PDLIM3: variants seen among roughly 807,000 people sequenced by gnomAD.
PDLIM3 encodes PDZ and LIM domain protein 3.
In PDLIM3, 36 loss-of-function variants were observed where a neutral mutation model predicts 37.3. The observed-to-expected ratio is 0.97, with a 90% CI of 0.74 to 1.28. The LOEUF is 1.28. Ranked by LOEUF, PDLIM3 falls within the 50% of genes most tolerant of loss-of-function variation. PDLIM3 has a pLI of 0.00. For missense variants in PDLIM3, 454 were observed against 485.0 expected (o/e 0.94, Z 0.60); for synonymous variants, 174 against 182.4 (o/e 0.95, Z 0.37).
intron 4 of PDLIM3, chr4:185,512,563 G>A (rs1354547015): frequency 3.1e-6 from 2 of 643,322 alleles, no homozygotes; most frequent in Non-Finnish European, 3.9e-6. Flanking sequence ...TTTTTAAAAG[G>A]TGATTATATA....
intron 1 of PDLIM3, among the ~76,000 whole-genome samples, chr4:185,528,620 G>C (rs555176310): frequency 6.6e-6 from 1 of 152,338 alleles, no homozygotes; most frequent in East Asian, 1.9e-4. Context: ...CTGAGCAGCT[G>C]TACAGCTATG....
intron 4 of PDLIM3, chr4:185,512,368 A>T (rs1265019091): frequency 1.3e-5 from 2 of 152,244 alleles, no homozygotes; most frequent in African/African-American, 2.4e-5. Flanking sequence ...GGTGTGAGCC[A>T]TCGCACCAGG....
intron 3 of PDLIM3, chr4:185,516,474 A>G (rs1312861932): frequency 1.3e-5 from 2 of 152,230 alleles, no homozygotes; most frequent in Non-Finnish European, 2.9e-5. Flanking sequence ...GTCAAAAACA[A>G]AAAGAAGAAA....
chr4:185,528,975 A>G (rs2095739153), intron 1 of PDLIM3, among the ~76,000 whole-genome samples: 1 of 152,136 alleles, frequency 6.6e-6, no homozygotes, highest in African/African-American at 2.4e-5. Flanking sequence ...TAGCATGCAC[A>G]GTTTATTACT....
At position 185,504,326 on chromosome 4, in the gene PDLIM3, A is replaced by G; in HGVS notation, c.905+149T>C. The G allele has an allele frequency of 2.9e-6, 2 of 686,628 alleles. No individual in the cohort carries two copies. Among genetic ancestry groups the G allele is most frequent in the South Asian group, 3.1e-5 (2 of 63,974 alleles). 42.5% of individuals were successfully genotyped at this position (686,628 alleles called of 1,614,324 possible). ...GTATATCTAAGGAGTGACAGTCACA[A>G]TGTGCTAAATGTTGGGGACCTTACG... On this transcript the variant is annotated intron_variant, in intron 7 of 7. Transcript: ENST00000284767. The surrounding 1 kb of genome is among the most constrained non-coding windows in gnomAD (Gnocchi z 4.7).
At chr4:185,516,085 G>A (rs187493636) in intron 3 of PDLIM3, 74 of 150,596 alleles carry the variant, frequency 4.9e-4, no homozygotes, top group Admixed American at 4.3e-3. Context: ...ATTTTTAGTA[G>A]AGACAGGGTT....
chr4:185,504,601 G>C lies in PDLIM3; in HGVS notation c.794-15C>G, dbSNP rs757881954. 9.4e-6 allele frequency: 15 copies of C among 1,603,498 alleles called. No individual in the cohort carries two copies. Among genetic ancestry groups the C allele is most frequent in the Non-Finnish European group, 1.3e-5 (15 of 1,171,148 alleles). ...CGGACGGTCATCTGAAAAACAAAGC[G>C]TTTCCATTTATGGCTAGGGAACAGC... On this transcript the variant is annotated splice_polypyrimidine_tract_variant and intron_variant, in intron 6 of 7. Transcript: ENST00000284767. The surrounding 1 kb of genome is among the most constrained non-coding windows in gnomAD (Gnocchi z 4.7).
chr4:185,513,177 G>A lies in PDLIM3; in HGVS notation c.398+1093C>T, dbSNP rs571023888. On this transcript the variant is annotated intron_variant, in intron 4 of 7. Transcript: ENST00000284767. ...CAGACACTGAGCTCACGTTCTAGGG[G>A]GGGGAAGATGTGTTTGCTCATGGTT... 1.8e-5 allele frequency: 18 copies of A among 985,134 alleles called. No homozygotes were observed. In the Admixed American group the frequency reaches 3.1e-4, roughly 17 times the overall value. 61.0% of individuals were successfully genotyped at this position (985,134 alleles called of 1,614,324 possible).
Position 185,514,416 on chromosome 4 carries a change from T to C in PDLIM3, c.331-79A>G, listed in dbSNP as rs2095711518. On this transcript the variant is annotated intron_variant, in intron 3 of 7. Coordinates refer to ENST00000284767, the MANE Select transcript of PDLIM3 (RefSeq NM_014476.6). This position sits in a 1 kb window ranked among gnomAD's most constrained non-coding sequence, Gnocchi z 4.0. ...GATAAGATTAAACGAACGATAGTTG[T>C]ACAGGGAGGATCATTTACCACCAAC... The C allele has an allele frequency of 1.9e-6, 3 of 1,613,506 alleles. No homozygotes were observed. The highest frequency in any genetic ancestry group is 2.5e-6 in the Non-Finnish European group (3 of 1,179,808).
intron 1 of PDLIM3, among the ~76,000 whole-genome samples, chr4:185,533,308 T>C (rs1479888590): frequency 6.6e-6 from 1 of 152,226 alleles, no homozygotes; most frequent in African/African-American, 2.4e-5. Context: ...TATTTTTCTG[T>C]AATACTTTTC....
chr4:185,503,719 G>A (rs1005518612), intron 7 of PDLIM3, among the ~76,000 whole-genome samples: 1 of 152,134 alleles, frequency 6.6e-6, no homozygotes, highest in Non-Finnish European at 1.5e-5. Flanking sequence ...AGGCCGAGGC[G>A]GGTGGATCAC....
chr4:185,526,814 G>A (rs2095734998), intron 1 of PDLIM3, among the ~76,000 whole-genome samples: 1 of 152,108 alleles, frequency 6.6e-6, no homozygotes, highest in Admixed American at 6.6e-5. Context: ...TGCCTGAAAT[G>A]CTTCCCTTAC....
intron 1 of PDLIM3, 36 bp from the exon 2 acceptor site, chr4:185,525,207 T>TC: frequency 6.2e-7 from 1 of 1,608,334 alleles, no homozygotes; most frequent in Non-Finnish European, 8.5e-7. Context: ...AAAACCAACA[T>TC]CCCGCAGTAT....
At chr4:185,524,938 G>A in intron 2 of PDLIM3, 82 bp downstream of exon 2, 1 of 1,388,078 alleles carries the variant, frequency 7.2e-7, no homozygotes. Flanking sequence ...CCTCCTTGCT[G>A]GGAGGATGAA....
At chr4:185,532,332 C>A (rs563665092) in intron 1 of PDLIM3, among the ~76,000 whole-genome samples, 1 of 152,148 alleles carries the variant, frequency 6.6e-6, no homozygotes, top group South Asian at 2.1e-4. Flanking sequence ...TTTCTGCCTT[C>A]GGGGAATGTG....
chr4:185,514,741 G>A lies in PDLIM3; in HGVS notation c.331-404C>T, dbSNP rs770432608. 3.9e-6 allele frequency: 6 copies of A among 1,552,010 alleles called. No individual in the cohort carries two copies. Among genetic ancestry groups the A allele is most frequent in the South Asian group, 2.4e-5 (2 of 84,062 alleles). ...TAGGAATGAGACCCCGCAGCTGTCC[G>A]TGAAGCGCATCTTGTATATTGCTAG... On this transcript the variant is annotated intron_variant, in intron 3 of 7. Transcript: ENST00000284767. This position sits in a 1 kb window ranked among gnomAD's most constrained non-coding sequence, Gnocchi z 4.0.
intron 1 of PDLIM3, 98 bp downstream of exon 1, chr4:185,535,244 G>T: frequency 9.0e-7 from 1 of 1,115,896 alleles, no homozygotes; most frequent in Non-Finnish European, 1.3e-6. Context: ...GCCCTCGCGC[G>T]CTTTCTGGCC....
intron 3 of PDLIM3, among the ~76,000 whole-genome samples, chr4:185,518,377 TTA>T (rs2095717891): frequency 1.3e-5 from 2 of 152,214 alleles, no homozygotes; most frequent in South Asian, 4.1e-4. Flanking sequence ...CAGATAATCT[TTA>T]TAATTCTGAA....
chr4:185,533,665 C>T (rs1232248747), intron 1 of PDLIM3, among the ~76,000 whole-genome samples: 1 of 152,066 alleles, frequency 6.6e-6, no homozygotes, highest in Non-Finnish European at 1.5e-5. Flanking sequence ...ATAATAACTG[C>T]CATTATATCA....
Sources: gnomAD v4.1 joint callset for allele counts (sites outside exome capture counted in the v4.1 genomes callset) on GRCh38, gnomAD v4.1.1 for gene constraint, Gnocchi (gnomAD v3.1) non-coding constraint, MANE v1.5 for transcripts, NCBI Gene and HGNC (gene_info 2026-07-23, HGNC 2026-07-21) for gene names.